Variants in SPATS2 observed in about 807,000 individuals in gnomAD.
SPATS2 encodes the protein spermatogenesis associated serine rich 2, also known as spermatogenesis-associated serine-rich protein 2.
In SPATS2, 38 loss-of-function variants were observed where a neutral mutation model predicts 63.7. The ratio of observed to expected loss-of-function variants is 0.60; its 90% CI spans 0.46 to 0.78. The LOEUF (loss-of-function observed/expected upper bound fraction) is 0.78, where lower values mean the gene tolerates loss of function less well. Among genes scored for constraint, SPATS2 ranks in the 30% least tolerant of loss-of-function variants. The probability of loss-of-function intolerance (pLI) is 0.00; values close to 1 mark genes in which losing one functional copy is unlikely to be tolerated. For synonymous variants in SPATS2, 207 were observed against 232.9 expected (o/e 0.89, Z 1.01); for missense variants, 588 against 666.2 (o/e 0.88, Z 1.29).
At chr12:49,445,424 C>A (rs1165179864) in intron 2 of SPATS2, among the ~76,000 whole-genome samples, 1 of 152,018 alleles carries the variant, frequency 6.6e-6, no homozygotes, top group Non-Finnish European at 1.5e-5. Context: ...ATCTTCCATT[C>A]CTGGAATAAG....
intron 9 of SPATS2, chr12:49,512,801 T>G (rs1380237595): frequency 1.7e-6 from 2 of 1,200,714 alleles, no homozygotes; most frequent in Admixed American, 4.7e-5. Context: ...ATAAGAGAGG[T>G]AATGTCAAAC....
intron 11 of SPATS2, among the ~76,000 whole-genome samples, chr12:49,521,870 C>G (rs1946946879): frequency 6.6e-6 from 1 of 152,116 alleles, no homozygotes; most frequent in Non-Finnish European, 1.5e-5. Flanking sequence ...GGTCATTTTT[C>G]TCTCTCCTTT....
At chr12:49,509,827 G>A (rs1353200593) in intron 9 of SPATS2, among the ~76,000 whole-genome samples, 5 of 146,138 alleles carry the variant, frequency 3.4e-5, no homozygotes, top group South Asian at 2.2e-4. Context: ...AAAAAAAAAA[G>A]GGAAGGAAAA....
intron 2 of SPATS2, among the ~76,000 whole-genome samples, chr12:49,374,263 G>A (rs1185551545): frequency 6.6e-6 from 1 of 152,020 alleles, no homozygotes; most frequent in Non-Finnish European, 1.5e-5. Flanking sequence ...TCAGTAGCTA[G>A]GACTGCAGGC....
At chr12:49,409,592 A>ATTTTTT (rs753378038) in intron 2 of SPATS2, among the ~76,000 whole-genome samples, 1 of 73,562 alleles carries the variant, frequency 1.4e-5, no homozygotes, top group Non-Finnish European at 2.5e-5. Flanking sequence ...GTGCCCAGCA[A>ATTTTTT]TTTTTTTTTT....
intron 3 of SPATS2, chr12:49,462,206 A>T (rs966821334): frequency 1.5e-6 from 1 of 657,692 alleles, no homozygotes; most frequent in African/African-American, 1.8e-5. Flanking sequence ...ATTGTGAAGC[A>T]GGATATTTCC....
chr12:49,380,672 C>T (rs1944200518), intron 2 of SPATS2, among the ~76,000 whole-genome samples: 1 of 151,592 alleles, frequency 6.6e-6, no homozygotes, highest in African/African-American at 2.4e-5. Flanking sequence ...CACCACTGCC[C>T]TCCAGCCTGG....
At chr12:49,394,339 CAA>C (rs35693643) in intron 2 of SPATS2, among the ~76,000 whole-genome samples, 11,641 of 81,886 alleles carry the variant, frequency 0.14, 449 homozygotes, top group African/African-American at 0.17. Flanking sequence ...ACCTTGTCTC[CAA>C]AAAAAAAAAA....
At chr12:49,521,630 C>A (rs1946942970) in intron 11 of SPATS2, among the ~76,000 whole-genome samples, 1 of 152,112 alleles carries the variant, frequency 6.6e-6, no homozygotes, top group Non-Finnish European at 1.5e-5. Flanking sequence ...GGATCTGTTT[C>A]TCTCCACTTT....
At chr12:49,423,976 G>T (rs1945028580) in intron 2 of SPATS2, among the ~76,000 whole-genome samples, 1 of 152,166 alleles carries the variant, frequency 6.6e-6, no homozygotes, top group Non-Finnish European at 1.5e-5. Flanking sequence ...GCCAAGGCGG[G>T]CAAATCACTT....
chr12:49,445,586 T>C (rs1303530786), intron 2 of SPATS2, among the ~76,000 whole-genome samples: 2 of 152,002 alleles, frequency 1.3e-5, no homozygotes, highest in Admixed American at 6.6e-5. Context: ...GGCGCGATCT[T>C]GGGTCACTGC....
intron 9 of SPATS2, among the ~76,000 whole-genome samples, chr12:49,504,131 C>T (rs181651902): frequency 6.6e-6 from 1 of 152,214 alleles, no homozygotes; most frequent in Admixed American, 6.5e-5. Flanking sequence ...CTTAGAAAGA[C>T]ATTTCTGTGT....
rs553110316 is a variant in SPATS2 at position 49,493,129 on chromosome 12, A to G, written c.265-1612A>G. Among the ~76,000 whole-genome samples the G allele has an allele frequency of 4.6e-5, 7 of 151,712 alleles. No homozygotes were observed. In the South Asian group the frequency reaches 8.3e-4, roughly 18 times the overall value. On this transcript the variant is annotated intron_variant, in intron 6 of 13. Coordinates refer to ENST00000552918, the MANE Select transcript of SPATS2 (RefSeq NM_023071.4). Reference sequence around the variant, plus strand: ...AAAAAAAAAAAAAAGAAAGAAAGAAAGATGAGAGCTGTTAAGGCAAAAAGT... The same window carrying G: ...AAAAAAAAAAAAAAGAAAGAAAGAAGGATGAGAGCTGTTAAGGCAAAAAGT...
At chr12:49,496,129 C>A (rs1468895112) in intron 7 of SPATS2, among the ~76,000 whole-genome samples, 1 of 152,134 alleles carries the variant, frequency 6.6e-6, no homozygotes, top group Non-Finnish European at 1.5e-5. Context: ...TACACACATA[C>A]ACAAAAAAAG....
intron 2 of SPATS2, among the ~76,000 whole-genome samples, chr12:49,438,010 G>A (rs1293429452): frequency 6.6e-6 from 1 of 151,800 alleles, no homozygotes; most frequent in Admixed American, 6.6e-5. Flanking sequence ...AAATCTTAAG[G>A]GTAATCAGTG....
intron 2 of SPATS2, among the ~76,000 whole-genome samples, chr12:49,439,140 A>G (rs1336157537): frequency 1.3e-5 from 2 of 152,322 alleles, no homozygotes; most frequent in East Asian, 1.9e-4. Context: ...TGAATCTAGG[A>G]GAAGAGCATT....
chr12:49,470,192 C>T (rs1180796244), intron 3 of SPATS2, among the ~76,000 whole-genome samples: 1 of 151,952 alleles, frequency 6.6e-6, no homozygotes, highest in Non-Finnish European at 1.5e-5. Context: ...CCACCACGCC[C>T]AGCTAATTTT....
chr12:49,495,092 G>GT, intron 7 of SPATS2, 90 bp downstream of exon 7: 2 of 1,346,376 alleles, frequency 1.5e-6, no homozygotes, highest in Non-Finnish European at 2.0e-6. Flanking sequence ...AATCTAGTTA[G>GT]TCTTTTTTTA....
chr12:49,450,457 G>T lies in SPATS2; in HGVS notation c.-243-10313G>T, dbSNP rs186131953. 4.7e-4 allele frequency among the ~76,000 whole-genome samples: 72 copies of T among 152,124 alleles called. No individual in the cohort carries two copies. The South Asian group carries it at 0.012, about 26-fold the overall frequency. On this transcript the variant is annotated intron_variant, in intron 2 of 13. Coordinates refer to ENST00000552918, the MANE Select transcript of SPATS2 (RefSeq NM_023071.4). ...GACGGGGTTTCACTGTGTTAGCCAG[G>T]ATGGTCTTGATCTCCTGACCTCATG...
Sources: allele counts gnomAD v4.1 joint callset (sites outside exome capture counted in the v4.1 genomes callset), GRCh38; gene constraint gnomAD v4.1.1; transcripts MANE v1.5; gene names NCBI Gene and HGNC (gene_info 2026-07-23, HGNC 2026-07-21).